Variants in NPR3 observed in about 807,000 individuals in gnomAD.
The protein encoded by NPR3 is natriuretic peptide receptor 3, also known as atrial natriuretic peptide receptor 3.
A neutral mutation model predicts 54.5 loss-of-function variants in NPR3; 34 were observed. The ratio of observed to expected loss-of-function variants is 0.62; its 90% CI spans 0.47 to 0.83. The LOEUF (loss-of-function observed/expected upper bound fraction) is 0.83. NPR3 is among the 40% of genes least tolerant of loss of function. The pLI is 0.00. For missense variants in NPR3, 674 were observed against 720.8 expected (o/e 0.94, Z 0.74); for synonymous variants, 289 against 297.1 (o/e 0.97, Z 0.28).
chr5:32,724,866 A>C (rs781562989), intron 2 of NPR3, 46 bp downstream of exon 2: 1 of 1,608,782 alleles, frequency 6.2e-7, no homozygotes, highest in Non-Finnish European at 8.5e-7. Flanking sequence ...GTTCCAAGAG[A>C]GGTTGTCAGA....
At chr5:32,701,098 G>A (rs141321313) in intron 1 of NPR3, among the ~76,000 whole-genome samples, 4,744 of 152,208 alleles carry the variant, frequency 0.031, 132 homozygotes, top group Non-Finnish European at 0.049. Context: ...TCTAACTGGC[G>A]CGAGATGGTA....
intron 1 of NPR3, among the ~76,000 whole-genome samples, chr5:32,719,974 TA>T (rs1296862480): frequency 6.6e-6 from 1 of 152,210 alleles, no homozygotes; most frequent in Admixed American, 6.5e-5. Context: ...ATGGGTACAG[TA>T]ACCAGATGGA....
In NPR3 at chr5:32,784,896, TG is replaced by T; in HGVS notation, c.1514+14del. 1.3e-6 allele frequency: 2 copies of T among 1,588,216 alleles called. No individual in the cohort carries two copies. Among genetic ancestry groups the T allele is most frequent in the Non-Finnish European group, 1.7e-6 (2 of 1,156,448 alleles). The stretch of plus-strand genomic sequence containing the variant: ...TCTACTTTTTCAGGTGAGGACGGTT[TG>T]TAAAGGTACAATTCACTCTCTTCTG... On this transcript the variant is annotated intron_variant, in intron 7 of 7. Coordinates refer to ENST00000265074, the MANE Select transcript of NPR3 (RefSeq NM_001204375.2).
At chr5:32,728,835 G>GTATATATATATA (rs1226669792) in intron 2 of NPR3, among the ~76,000 whole-genome samples, 19 of 60,620 alleles carry the variant, frequency 3.1e-4, no homozygotes, top group East Asian at 1.4e-3. Flanking sequence ...GTGTGTGTGT[G>GTATATATATATA]TGTATATATA....
chr5:32,722,143 G>GA (rs770975789), intron 1 of NPR3, among the ~76,000 whole-genome samples: 12 of 151,126 alleles, frequency 7.9e-5, no homozygotes, highest in African/African-American at 2.4e-4. Flanking sequence ...TGTAAAAATA[G>GA]AAAAAAAAAG....
At chr5:32,713,126 C>A (rs956545698) in intron 1 of NPR3, 2 of 975,368 alleles carry the variant, frequency 2.1e-6, no homozygotes, top group South Asian at 9.5e-5. Flanking sequence ...CTTCCAGCCC[C>A]TTATAAACGA....
intron 3 of NPR3, among the ~76,000 whole-genome samples, chr5:32,758,101 A>G (rs185003876): frequency 2.0e-5 from 3 of 152,246 alleles, no homozygotes; most frequent in Admixed American, 2.0e-4. Flanking sequence ...TGGTATCAGG[A>G]TGATGCTGGC....
rs114439912 is a variant in NPR3, at chr5:32,768,367, G to A, written c.1060-6341G>A. ...GGGACGAGAAGCATCTGTATATGAC[G>A]CATGTGTGACACATCCAAAGGGCAA... is the stretch of plus-strand genomic sequence containing the variant. On this transcript the variant is annotated intron_variant, in intron 3 of 7. Coordinates refer to ENST00000265074, the MANE Select transcript of NPR3 (RefSeq NM_001204375.2). Among the ~76,000 whole-genome samples the A allele has an allele frequency of 4.6e-3, 708 of 152,294 alleles. 4 individuals carry two copies. Among genetic ancestry groups the A allele is most frequent in the African/African-American group, 0.016 (685 of 41,556 alleles).
intron 3 of NPR3, among the ~76,000 whole-genome samples, chr5:32,747,688 T>A (rs1412473698): frequency 1.3e-5 from 2 of 152,094 alleles, no homozygotes; most frequent in African/African-American, 4.8e-5. Context: ...CTTATATCTC[T>A]TTTCTCAGGT....
At chr5:32,719,100 A>T (rs1040664016) in intron 1 of NPR3, among the ~76,000 whole-genome samples, 1 of 152,206 alleles carries the variant, frequency 6.6e-6, no homozygotes, top group Non-Finnish European at 1.5e-5. Context: ...TTCTGCATCT[A>T]TTGAGATAAT....
chr5:32,737,301 A>G (rs1739801289), intron 2 of NPR3, among the ~76,000 whole-genome samples: 1 of 152,158 alleles, frequency 6.6e-6, no homozygotes, highest in Non-Finnish European at 1.5e-5. Flanking sequence ...TCACACCCTC[A>G]GCCTCTCTCT....
Position 32,790,559 on chromosome 5 carries a change from C to A in NPR3, c.*4214C>A, listed in dbSNP as rs1742858657. ...CGGGGAAGTTCAAGCCTGTGATGTG[C>A]ATAAACTCCAACAAGCCTGGCTTTG... On this transcript the variant is annotated 3_prime_UTR_variant, in exon 8 of 8. Transcript: ENST00000265074. 1 of 166,562 alleles carries A rather than the reference C, an allele frequency of 6.0e-6. No homozygotes were observed. Among genetic ancestry groups the A allele is most frequent in the Non-Finnish European group, 1.5e-5 (1 of 68,114 alleles). 10.3% of individuals were successfully genotyped at this position (166,562 alleles called of 1,614,324 possible).
chr5:32,760,915 T>C (rs897014087), intron 3 of NPR3, among the ~76,000 whole-genome samples: 3 of 152,154 alleles, frequency 2.0e-5, no homozygotes, highest in African/African-American at 7.2e-5. Context: ...CCACAATGCA[T>C]TGAAAATGCT....
chr5:32,761,103 C>T (rs1482968025), intron 3 of NPR3, among the ~76,000 whole-genome samples: 1 of 151,916 alleles, frequency 6.6e-6, no homozygotes, highest in South Asian at 2.1e-4. Context: ...CAATGTGAGC[C>T]CCCTAATTTG....
At chr5:32,717,265 G>T (rs997802544) in intron 1 of NPR3, among the ~76,000 whole-genome samples, 4 of 152,172 alleles carry the variant, frequency 2.6e-5, no homozygotes, top group African/African-American at 7.2e-5. Context: ...ATGGACATTT[G>T]AGTTGGTTCC....
At position 32,786,399 on chromosome 5, in the gene NPR3, G is replaced by T; in HGVS notation, c.*54G>T. 1 of 717,866 alleles carries T rather than the reference G, an allele frequency of 1.4e-6. No homozygotes were observed. Among genetic ancestry groups the T allele is most frequent in the Non-Finnish European group, 2.5e-6 (1 of 407,676 alleles). The allele number at this position is 717,866 out of a possible 1,614,324, so 44.5% of individuals were successfully genotyped here. A position where few individuals can be genotyped will look rare whatever the true frequency, so the allele number is the denominator to read the frequency against. On this transcript the variant is annotated 3_prime_UTR_variant, in exon 8 of 8. Transcript: ENST00000265074. The stretch of plus-strand genomic sequence containing the variant: ...CCTGAGATTCTTTAAGGAGATAGAC[G>T]GGTTGAAAGACATCAATGAAACAGA...
At chr5:32,710,858 G>GTTTTTTTTT, upstream of NPR3, 6 of 1,047,812 alleles carry the variant, frequency 5.7e-6, no homozygotes, top group African/African-American at 1.2e-4. Flanking sequence ...CCCCAGTCCT[G>GTTTTTTTTT]GTTTTTTTTT....
chr5:32,710,853 G>A, upstream of NPR3: 1 of 1,118,094 alleles, frequency 8.9e-7, no homozygotes, highest in Non-Finnish European at 1.2e-6. Flanking sequence ...CTTTCCCCCA[G>A]TCCTGGTTTT....
intron 3 of NPR3, among the ~76,000 whole-genome samples, chr5:32,755,490 G>GT (rs1196311011): frequency 6.6e-6 from 1 of 152,162 alleles, no homozygotes; most frequent in Non-Finnish European, 1.5e-5. Flanking sequence ...CCTTCTCTGG[G>GT]TAAGGTATTG....
Sources: gnomAD v4.1 joint callset for allele counts (sites outside exome capture counted in the v4.1 genomes callset) on GRCh38, gnomAD v4.1.1 for gene constraint, MANE v1.5 for transcripts, NCBI Gene and HGNC (gene_info 2026-07-23, HGNC 2026-07-21) for gene names.